BIRC6: variants seen among roughly 807,000 people sequenced by gnomAD.
BIRC6 encodes the protein baculoviral IAP repeat containing 6, also known as dual E2 ubiquitin-conjugating enzyme/E3 ubiquitin-protein ligase BIRC6.
In BIRC6, 98 loss-of-function variants were observed where a neutral mutation model predicts 503.3. The ratio of observed to expected loss-of-function variants is 0.19; its 90% CI spans 0.17 to 0.23. The LOEUF is 0.23. BIRC6 is among the 10% of genes least tolerant of loss of function. The pLI is 1.00. For missense variants in BIRC6, 5,360 were observed against 5,806.0 expected (o/e 0.92, Z 2.50); for synonymous variants, 2,240 against 2,078.7 (o/e 1.08, Z -2.11).
At chr2:32,557,931 A>G (rs968496067) in intron 65 of BIRC6, 2 of 152,234 alleles carry the variant, frequency 1.3e-5, no homozygotes, top group South Asian at 2.1e-4. Context: ...TATTACAAAT[A>G]CTAGTACATA....
intron 65 of BIRC6, chr2:32,565,297 A>C (rs1016863577): frequency 6.6e-6 from 1 of 152,222 alleles, no homozygotes; most frequent in African/African-American, 2.4e-5. Flanking sequence ...GTTAGACACT[A>C]TGGAGTATCT....
chr2:32,558,750 A>G (rs916642384), intron 65 of BIRC6: 2 of 152,242 alleles, frequency 1.3e-5, no homozygotes, highest in Non-Finnish European at 2.9e-5. Flanking sequence ...GCTTGTGAAC[A>G]AAAGCTGAAC....
At chr2:32,509,060 T>G (rs1418958433) in intron 51 of BIRC6, among the ~76,000 whole-genome samples, 1 of 150,542 alleles carries the variant, frequency 6.6e-6, no homozygotes, top group Non-Finnish European at 1.5e-5. Flanking sequence ...GAGTGAACTC[T>G]GTCTTTAAAA....
intron 67 of BIRC6, chr2:32,594,343 C>G (rs2061551841): frequency 3.8e-6 from 1 of 266,538 alleles, no homozygotes; most frequent in Non-Finnish European, 7.0e-6. Context: ...TGAAAAAATG[C>G]CTTTATATTA....
intron 9 of BIRC6, among the ~76,000 whole-genome samples, 187 bp from the exon 10 acceptor site, chr2:32,414,582 A>G (rs949913765): frequency 6.6e-6 from 1 of 152,040 alleles, no homozygotes; most frequent in African/African-American, 2.4e-5. Context: ...CACTAGAATC[A>G]CTTGAACCTG....
rs765395640 is a variant in BIRC6, at chr2:32,617,936, G to T, written c.*32G>T. ...TTGATGTGGACTTCATAGACACAAA[G>T]GCTTCGAAGCACAAGCCAAATATGT... On this transcript the variant is annotated 3_prime_UTR_variant, in exon 74 of 74. Coordinates refer to ENST00000421745, the MANE Select transcript of BIRC6 (RefSeq NM_016252.4). 6.3e-6 allele frequency: 10 copies of T among 1,580,688 alleles called. No homozygotes were observed. In the African/African-American group the frequency reaches 1.4e-4, roughly 21 times the overall value.
intron 1 of BIRC6, among the ~76,000 whole-genome samples, chr2:32,360,132 G>T (rs2033815536): frequency 6.6e-6 from 1 of 152,150 alleles, no homozygotes; most frequent in South Asian, 2.1e-4. Flanking sequence ...ACAGAGGAAA[G>T]ACATCTGTGT....
chr2:32,398,937 A>G (rs2040287940), intron 6 of BIRC6, among the ~76,000 whole-genome samples: 1 of 152,194 alleles, frequency 6.6e-6, no homozygotes, highest in African/African-American at 2.4e-5. Flanking sequence ...TATATATGTA[A>G]GTTGTAGGTG....
chr2:32,475,688 G>A (rs933894903), intron 33 of BIRC6, among the ~76,000 whole-genome samples: 1 of 151,850 alleles, frequency 6.6e-6, no homozygotes, highest in African/African-American at 2.4e-5. Context: ...GAGAAAATTG[G>A]GTAAAGTGTA....
Position 32,429,134 on chromosome 2 carries a change from A to G in BIRC6, c.2873-12A>G. 2.5e-6 allele frequency: 4 copies of G among 1,572,720 alleles called. No homozygotes were observed. The highest frequency in any genetic ancestry group is 3.4e-6 in the Non-Finnish European group (4 of 1,161,252). ...TATTTTTCATGTATCTATGAAATTT[A>G]CTACACTGTAGGTGGTGAGCTTCAT... is the stretch of plus-strand genomic sequence containing the variant. On this transcript the variant is annotated splice_polypyrimidine_tract_variant and intron_variant, in intron 10 of 73. Transcript: ENST00000421745.
chr2:32,546,109 C>G (rs550793140), intron 63 of BIRC6, among the ~76,000 whole-genome samples: 8 of 152,176 alleles, frequency 5.3e-5, no homozygotes, highest in Admixed American at 5.2e-4. Flanking sequence ...TCCCATTTAC[C>G]AAGATACACT....
chr2:32,413,821 T>C (rs1270769194), intron 9 of BIRC6, among the ~76,000 whole-genome samples: 3 of 152,158 alleles, frequency 2.0e-5, no homozygotes, highest in African/African-American at 4.8e-5. Flanking sequence ...TAGTTTTGCT[T>C]ATAACCTATG....
intron 66 of BIRC6, among the ~76,000 whole-genome samples, chr2:32,580,168 G>T (rs2060575063): frequency 6.6e-6 from 1 of 152,066 alleles, no homozygotes; most frequent in Non-Finnish European, 1.5e-5. Context: ...TGGCCAGGCT[G>T]GTCACAAACT....
intron 6 of BIRC6, among the ~76,000 whole-genome samples, chr2:32,395,809 A>G (rs938405346): frequency 1.3e-5 from 2 of 152,216 alleles, no homozygotes; most frequent in African/African-American, 4.8e-5. Context: ...ACACAAGGGA[A>G]GTACCAAACA....
chr2:32,465,208 T>G, intron 26 of BIRC6, 44 bp downstream of exon 26: 1 of 1,009,558 alleles, frequency 9.9e-7, no homozygotes, highest in Non-Finnish European at 1.4e-6. Context: ...TTTTTTTGCT[T>G]AGTCTGCCGG....
At chr2:32,586,778 C>G (rs542156727) in intron 66 of BIRC6, among the ~76,000 whole-genome samples, 1 of 152,118 alleles carries the variant, frequency 6.6e-6, no homozygotes, top group East Asian at 1.9e-4. Flanking sequence ...AAATTTACTT[C>G]GTAGCAGGTC....
intron 10 of BIRC6, among the ~76,000 whole-genome samples, chr2:32,424,673 C>T (rs1340924313): frequency 1.3e-5 from 2 of 151,988 alleles, no homozygotes; most frequent in South Asian, 2.1e-4. Flanking sequence ...CCACCACGCC[C>T]AGCTATTTTT....
chr2:32,561,699 A>T (rs2059198701), intron 65 of BIRC6, among the ~76,000 whole-genome samples: 1 of 149,978 alleles, frequency 6.7e-6, no homozygotes, highest in Non-Finnish European at 1.5e-5. Flanking sequence ...TTATGTTTAT[A>T]TGAAGAAATA....
chr2:32,469,462 C>G lies in BIRC6; in HGVS notation c.6195C>G (p.His2065Gln), dbSNP rs770653985. 6.2e-7 allele frequency: 1 copy of G among 1,613,786 alleles called. No individual in the cohort carries two copies. The highest frequency in any genetic ancestry group is 8.5e-7 in the Non-Finnish European group (1 of 1,179,844). ...HAQACEELFKHLCISGTPKIR... is the reference protein window; with the variant it reads ...HAQACEELFKQLCISGTPKIR... ...AGGCCTGTGAAGAGCTCTTTAAACA[C>G]TTGTGCATCAGTGGAACCCCAAAGA... is the stretch of plus-strand genomic sequence containing the variant. Residue 2065 changes from histidine to glutamine, a missense_variant, in exon 30 of 74, where the codon CAC (histidine) becomes CAG (glutamine). By Grantham distance (24) the His-to-Gln change is conservative (BLOSUM62 0). Coordinates refer to ENST00000421745, the MANE Select transcript of BIRC6 (RefSeq NM_016252.4).
Sources: allele counts gnomAD v4.1 joint callset (sites outside exome capture counted in the v4.1 genomes callset), GRCh38; gene constraint gnomAD v4.1.1; transcripts MANE v1.5; gene names NCBI Gene and HGNC (gene_info 2026-07-23, HGNC 2026-07-21).